BRINP3: variants seen among roughly 807,000 people sequenced by gnomAD.
BRINP3 encodes the protein BMP/retinoic acid-inducible neural-specific protein 3.
In BRINP3, 19 loss-of-function variants were observed where a neutral mutation model predicts 71.0. The ratio of observed to expected loss-of-function variants is 0.27; its 90% CI spans 0.19 to 0.39. The LOEUF (loss-of-function observed/expected upper bound fraction) is 0.39. Among genes scored for constraint, BRINP3 ranks in the 10% least tolerant of loss-of-function variants. BRINP3 has a pLI of 1.00. For synonymous variants in BRINP3, 380 were observed against 337.7 expected (o/e 1.13, Z -1.37); for missense variants, 959 against 940.8 (o/e 1.02, Z -0.25).
chr1:190,355,424 C>T (rs936728777), intron 2 of BRINP3, among the ~76,000 whole-genome samples: 2 of 151,714 alleles, frequency 1.3e-5, no homozygotes, highest in African/African-American at 4.8e-5. Context: ...CAAGAATATT[C>T]CACCATTAGC....
intron 2 of BRINP3, among the ~76,000 whole-genome samples, chr1:190,356,967 G>C (rs1005620604): frequency 6.6e-6 from 1 of 151,146 alleles, no homozygotes; most frequent in Non-Finnish European, 1.5e-5. Context: ...TAGGTTAACA[G>C]GTACTCTACA....
chr1:190,374,716 C>T lies in BRINP3; in HGVS notation c.236+79939G>A, dbSNP rs111667430. ...ATAATATAAATAACAATAATAAGAA[C>T]AAAAAGCATGAAAATAATGAAAAAT... On this transcript the variant is annotated intron_variant, in intron 2 of 7. Transcript: ENST00000367462. 5.2e-3 allele frequency among the ~76,000 whole-genome samples: 786 copies of T among 151,550 alleles called. 8 individuals are homozygous for T. Among genetic ancestry groups the T allele is most frequent in the African/African-American group, 0.018 (738 of 41,384 alleles).
chr1:190,124,661 A>C (rs1331294807), intron 7 of BRINP3, among the ~76,000 whole-genome samples: 1 of 152,110 alleles, frequency 6.6e-6, no homozygotes, highest in Non-Finnish European at 1.5e-5. Context: ...AATAGTTTTG[A>C]ACACAAAACA....
intron 1 of BRINP3, among the ~76,000 whole-genome samples, chr1:190,467,824 A>G (rs1676861001): frequency 6.6e-6 from 1 of 151,638 alleles, no homozygotes; most frequent in Admixed American, 6.6e-5. Flanking sequence ...ATTTAAAAAC[A>G]TTTTTGAAAA....
chr1:190,473,775 T>G (rs202013084), intron 1 of BRINP3, among the ~76,000 whole-genome samples: 2 of 26,454 alleles, frequency 7.6e-5, no homozygotes, highest in African/African-American at 1.8e-4. Flanking sequence ...AATTTTCTAT[T>G]TTTTTTTTTT....
chr1:190,385,692 A>G (rs1284751733), intron 2 of BRINP3, among the ~76,000 whole-genome samples: 3 of 152,068 alleles, frequency 2.0e-5, no homozygotes, highest in Non-Finnish European at 4.4e-5. Flanking sequence ...AGGGATCTAG[A>G]ACTAGAAATA....
chr1:190,320,528 T>C (rs1666169156), intron 2 of BRINP3, among the ~76,000 whole-genome samples: 1 of 152,000 alleles, frequency 6.6e-6, no homozygotes, highest in African/African-American at 2.4e-5. Context: ...TTTGTATTTA[T>C]TCATTCATTC....
At chr1:190,303,954 A>G (rs1251561301) in intron 2 of BRINP3, among the ~76,000 whole-genome samples, 1 of 151,784 alleles carries the variant, frequency 6.6e-6, no homozygotes, top group Non-Finnish European at 1.5e-5. Flanking sequence ...TCCATTAGGT[A>G]GTACTTCAAA....
At chr1:190,270,848 A>T (rs1213576592) in intron 3 of BRINP3, among the ~76,000 whole-genome samples, 1 of 151,720 alleles carries the variant, frequency 6.6e-6, no homozygotes, top group Non-Finnish European at 1.5e-5. Flanking sequence ...TAAAATGTTG[A>T]AGAAGCATCC....
At chr1:190,386,052 A>T (rs1230902655) in intron 2 of BRINP3, among the ~76,000 whole-genome samples, 1 of 131,496 alleles carries the variant, frequency 7.6e-6, no homozygotes, top group South Asian at 2.6e-4. Context: ...GGACACAGGA[A>T]GGGGAACATC....
intron 6 of BRINP3, among the ~76,000 whole-genome samples, chr1:190,209,512 C>G (rs1655802180): frequency 6.6e-6 from 1 of 152,078 alleles, no homozygotes; most frequent in African/African-American, 2.4e-5. Context: ...CCATACCTAA[C>G]TTCAAATGTG....
rs533222996 is a variant in BRINP3 at position 190,372,724 on chromosome 1, T to C, written c.236+81931A>G. 2.0e-5 allele frequency among the ~76,000 whole-genome samples: 3 copies of C among 152,290 alleles called. 1 individual carries two copies. The highest frequency in any genetic ancestry group is 7.2e-5 in the African/African-American group (3 of 41,566). On this transcript the variant is annotated intron_variant, in intron 2 of 7. Coordinates refer to ENST00000367462, the MANE Select transcript of BRINP3 (RefSeq NM_199051.3). The stretch of plus-strand genomic sequence containing the variant: ...CGTTTCTAAGGCAATTTCAGTTCAG[T>C]TCAGGAATTACACTAAAACAGACAG...
chr1:190,366,101 G>A (rs1215865076), intron 2 of BRINP3, among the ~76,000 whole-genome samples: 1 of 145,572 alleles, frequency 6.9e-6, no homozygotes, highest in Non-Finnish European at 1.5e-5. Context: ...CGAATAATTG[G>A]AAATTTTTCT....
chr1:190,109,085 ATTG>A (rs994785133), intron 7 of BRINP3, among the ~76,000 whole-genome samples: 2 of 151,932 alleles, frequency 1.3e-5, no homozygotes, highest in Admixed American at 6.6e-5. Context: ...ATCAGATATT[ATTG>A]TTTTCTTTTT....
chr1:190,289,131 A>G (rs1329322032), intron 2 of BRINP3, among the ~76,000 whole-genome samples: 1 of 151,942 alleles, frequency 6.6e-6, no homozygotes, highest in Non-Finnish European at 1.5e-5. Flanking sequence ...ATGAAGTAAG[A>G]AGGCAAAATG....
chr1:190,362,174 C>G (rs556571664), intron 2 of BRINP3: 32 of 152,220 alleles, frequency 2.1e-4, no homozygotes, highest in African/African-American at 7.5e-4. Context: ...TTCTGAAGAA[C>G]TTCAAAGAAA....
At chr1:190,113,357 T>G (rs767152393) in intron 7 of BRINP3, among the ~76,000 whole-genome samples, 2 of 152,150 alleles carry the variant, frequency 1.3e-5, no homozygotes, top group African/African-American at 2.4e-5. Flanking sequence ...TTATGCAATG[T>G]CACTTCAGTT....
At chr1:190,342,637 G>A (rs145310417) in intron 2 of BRINP3, 135 of 151,640 alleles carry the variant, frequency 8.9e-4, no homozygotes, top group African/African-American at 3.1e-3. Flanking sequence ...GTTGGCAACT[G>A]GGCAGCATGT....
intron 2 of BRINP3, among the ~76,000 whole-genome samples, chr1:190,294,413 C>T (rs1047789015): frequency 6.6e-6 from 1 of 151,844 alleles, no homozygotes; most frequent in Non-Finnish European, 1.5e-5. Context: ...GCATGTGTTA[C>T]CATGCCTGAC....
Sources: gnomAD v4.1 joint callset for allele counts (sites outside exome capture counted in the v4.1 genomes callset) on GRCh38, gnomAD v4.1.1 for gene constraint, MANE v1.5 for transcripts, NCBI Gene and HGNC (gene_info 2026-07-23, HGNC 2026-07-21) for gene names.